The following LRIG3 variants were observed in gnomAD, a reference collection of about 807,000 sequenced individuals.
LRIG3 encodes the protein leucine rich repeats and immunoglobulin like domains 3.
A neutral mutation model predicts 114.5 loss-of-function variants in LRIG3; 76 were observed. The observed-to-expected ratio is 0.66, with a 90% CI of 0.55 to 0.80. The LOEUF (loss-of-function observed/expected upper bound fraction) is 0.80. Ranked by LOEUF, LRIG3 falls within the 30% of genes least tolerant of loss-of-function variation. LRIG3 has a pLI of 0.00. For missense variants in LRIG3, 1,239 were observed against 1,382.8 expected, an observed-to-expected ratio of 0.90 and a Z score of 1.65; for synonymous variants, 512 against 519.8, an observed-to-expected ratio of 0.98 and a Z score of 0.20.
chr12:58,903,746 G>A (rs1355042606), intron 3 of LRIG3, among the ~76,000 whole-genome samples: 1 of 151,868 alleles, frequency 6.6e-6, no homozygotes, highest in Non-Finnish European at 1.5e-5. Flanking sequence ...TTTTGTATAA[G>A]GTGTAAGGAA....
intron 3 of LRIG3, among the ~76,000 whole-genome samples, chr12:58,893,139 T>G (rs2120923231): frequency 6.6e-6 from 1 of 152,344 alleles, no homozygotes; most frequent in South Asian, 2.1e-4. Context: ...CAGAGTCAGA[T>G]GGCCGACTTT....
At chr12:58,916,210 A>G (rs1020148607) in intron 1 of LRIG3, among the ~76,000 whole-genome samples, 9 of 152,194 alleles carry the variant, frequency 5.9e-5, no homozygotes, top group Non-Finnish European at 1.5e-5. Flanking sequence ...AAGACCTGTA[A>G]AAAATAAGAA....
At position 58,880,580 on chromosome 12, in the gene LRIG3, C is replaced by G; in HGVS notation, c.1801+1G>C. On this transcript the variant is annotated splice_donor_variant, in intron 13 of 18. Transcript: ENST00000320743. LOFTEE classifies it high-confidence loss of function. Reference sequence around the variant, plus strand: ...GCTAAAGGAAAAGTCAGATCACATACTATTTACTGTAAGCTTGGCTTTGAC... The same window carrying G: ...GCTAAAGGAAAAGTCAGATCACATAGTATTTACTGTAAGCTTGGCTTTGAC... The G allele has an allele frequency of 6.2e-7, 1 of 1,609,660 alleles. No homozygotes were observed. The highest frequency in any genetic ancestry group is 8.5e-7 in the Non-Finnish European group (1 of 1,176,302).
intron 1 of LRIG3, chr12:58,914,690 A>G (rs1872412336): frequency 5.4e-6 from 1 of 185,810 alleles, no homozygotes; most frequent in Admixed American, 5.8e-5. Context: ...AAAGGAGCTA[A>G]TTAGGCAGGT....
intron 4 of LRIG3, 151 bp downstream of exon 4, chr12:58,890,514 G>T: frequency 1.6e-6 from 1 of 635,170 alleles, no homozygotes; most frequent in Non-Finnish European, 2.4e-6. Flanking sequence ...ACTGAAGATT[G>T]TGGTCATTCG....
At chr12:58,883,680 T>C in intron 10 of LRIG3, 89 bp from the exon 11 acceptor site, 1 of 847,664 alleles carries the variant, frequency 1.2e-6, no homozygotes, top group Non-Finnish European at 1.8e-6. Context: ...GCCCACCCCA[T>C]TTGCCAAACA....
Position 58,919,459 on chromosome 12 carries a change from G to A in LRIG3, c.236+541C>T, listed in dbSNP as rs550417684. On this transcript the variant is annotated intron_variant, in intron 1 of 18. Transcript: ENST00000320743. ...TAATGTGAAAAAGCAAGCAGAGGGA[G>A]AACAACAGAAGTACGTCCACCATAA... 7.7e-5 allele frequency: 119 copies of A among 1,551,638 alleles called. No individual in the cohort carries two copies. In the African/African-American group the frequency reaches 1.4e-3, roughly 18 times the overall value.
intron 3 of LRIG3, among the ~76,000 whole-genome samples, chr12:58,898,461 C>G (rs1871723130): frequency 6.6e-6 from 1 of 152,162 alleles, no homozygotes; most frequent in South Asian, 2.1e-4. Flanking sequence ...TTGGGGGTTT[C>G]TTTCACCTCT....
At chr12:58,876,992 C>G (rs1870944553) in intron 15 of LRIG3, among the ~76,000 whole-genome samples, 1 of 152,182 alleles carries the variant, frequency 6.6e-6, no homozygotes, top group African/African-American at 2.4e-5. Context: ...ACATACTAAT[C>G]AAGTCACAGC....
intron 16 of LRIG3, 72 bp from the exon 17 acceptor site, chr12:58,874,645 T>A: frequency 6.4e-7 from 1 of 1,569,472 alleles, no homozygotes; most frequent in Non-Finnish European, 8.7e-7. Context: ...AGTTTTGGCA[T>A]CTTCCATATT....
intron 3 of LRIG3, among the ~76,000 whole-genome samples, chr12:58,898,719 C>T (rs957992849): frequency 6.6e-6 from 1 of 152,076 alleles, no homozygotes; most frequent in Non-Finnish European, 1.5e-5. Context: ...AGTGCAGTGG[C>T]ACGATCTCGG....
rs773445943 is a variant in LRIG3 at position 58,888,423 on chromosome 12, C to T, written c.853G>A (p.Gly285Ser). 7.4e-6 allele frequency: 12 copies of T among 1,613,720 alleles called. No homozygotes were observed. The highest frequency in any genetic ancestry group is 1.6e-4 in the Middle Eastern group (1 of 6,082). ...TGAAGTTCCTGCAGCATCAGCAAGCCGTAAAGCCAGCCTTTGGTAATCTCT... is the reference window on the plus strand; with the variant it reads ...TGAAGTTCCTGCAGCATCAGCAAGCTGTAAAGCCAGCCTTTGGTAATCTCT... ...LTEITKGWLY[G>S]LLMLQELHLS... The change falls in exon 7 of 19, where the codon GGC (glycine) becomes AGC (serine). Residue 285 changes from glycine to serine, a missense_variant. Physicochemically the swap from Gly to Ser is moderately conservative, Grantham distance 56. Transcript: ENST00000320743.
At position 58,872,350 on chromosome 12, in the gene LRIG3, A is replaced by G; in HGVS notation, c.*222T>C. On this transcript the variant is annotated 3_prime_UTR_variant, in exon 19 of 19. Transcript: ENST00000320743. The stretch of plus-strand genomic sequence containing the variant: ...TTTACGTAAGATACTTTTTTGCATA[A>G]AACAAAGTTAAAAAATAGTTTAAAA... The G allele has an allele frequency of 3.0e-6, 1 of 333,586 alleles. No homozygotes were observed. Among genetic ancestry groups the G allele is most frequent in the Non-Finnish European group, 5.3e-6 (1 of 189,776 alleles). The allele number at this position is 333,586 out of a possible 1,614,324, so 20.7% of individuals were successfully genotyped here. A position where few individuals can be genotyped will look rare whatever the true frequency, so the allele number is the denominator to read the frequency against.
At chr12:58,906,288 T>C (rs1872062919) in intron 3 of LRIG3, among the ~76,000 whole-genome samples, 2 of 152,156 alleles carry the variant, frequency 1.3e-5, no homozygotes, top group African/African-American at 4.8e-5. Flanking sequence ...TTAAAAAAGG[T>C]AGCAACTATT....
intron 1 of LRIG3, chr12:58,919,553 G>A (rs1340626472): frequency 1.2e-5 from 18 of 1,548,910 alleles, no homozygotes; most frequent in Non-Finnish European, 2.6e-6. Context: ...TTACTGGGTG[G>A]GAACAGGAAA....
intron 16 of LRIG3, among the ~76,000 whole-genome samples, chr12:58,875,113 G>A (rs1382384764): frequency 6.6e-6 from 1 of 152,248 alleles, no homozygotes; most frequent in East Asian, 1.9e-4. Context: ...AAGAGGTGGT[G>A]GGCTGAGAGA....
At chr12:58,874,724 A>C in intron 16 of LRIG3, 151 bp from the exon 17 acceptor site, 1 of 937,840 alleles carries the variant, frequency 1.1e-6, no homozygotes, top group African/African-American at 1.7e-5. Flanking sequence ...TAGGGTTTTA[A>C]AAAATTTATT....
Position 58,872,353 on chromosome 12 carries a change from C to A in LRIG3, c.*219G>T. The A allele has an allele frequency of 2.9e-6, 1 of 339,492 alleles. No homozygotes were observed. The highest frequency in any genetic ancestry group is 5.1e-6 in the Non-Finnish European group (1 of 194,318). 21.0% of individuals were successfully genotyped at this position (339,492 alleles called of 1,614,324 possible). On this transcript the variant is annotated 3_prime_UTR_variant, in exon 19 of 19. Transcript: ENST00000320743. ...ACGTAAGATACTTTTTTGCATAAAA[C>A]AAAGTTAAAAAATAGTTTAAAAAGG...
intron 10 of LRIG3, among the ~76,000 whole-genome samples, chr12:58,884,920 C>T (rs1211447855): frequency 1.3e-5 from 2 of 151,932 alleles, no homozygotes; most frequent in Non-Finnish European, 2.9e-5. Context: ...AAGCGTAAAA[C>T]ATACATCCAT....
Sources: allele counts gnomAD v4.1 joint callset (sites outside exome capture counted in the v4.1 genomes callset), GRCh38; gene constraint gnomAD v4.1.1; transcripts MANE v1.5; gene names NCBI Gene and HGNC (gene_info 2026-07-23, HGNC 2026-07-21).